SASH1: variants seen among roughly 807,000 people sequenced by gnomAD.
SASH1 encodes SAM and SH3 domain-containing protein 1.
In SASH1, 44 loss-of-function variants were observed where a neutral mutation model predicts 125.2. The observed-to-expected ratio is 0.35, with a 90% CI of 0.28 to 0.45. The LOEUF is 0.45. Among genes scored for constraint, SASH1 ranks in the 20% least tolerant of loss-of-function variants. The pLI, the probability that SASH1 is intolerant of heterozygous loss-of-function variation, is 1.00. For missense variants in SASH1, 1,426 were observed against 1,614.5 expected, an observed-to-expected ratio of 0.88 and a Z score of 2.00; for synonymous variants, 639 against 649.1, an observed-to-expected ratio of 0.98 and a Z score of 0.24.
the SASH1 span, among the ~76,000 whole-genome samples, chr6:148,213,270 A>G: frequency 5.9e-5 from 9 of 152,272 alleles, no homozygotes; most frequent in East Asian, 1.7e-3. Flanking sequence ...TCTGTGGGAT[A>G]TTGCACAGAA....
chr6:148,330,988 TGTCGG>T (rs1780979937), intron 1 of SASH1, among the ~76,000 whole-genome samples: 1 of 152,120 alleles, frequency 6.6e-6, no homozygotes, highest in South Asian at 2.1e-4. Flanking sequence ...TTCTCCTAAG[TGTCGG>T]GTGGCTTTCA....
At position 148,421,122 on chromosome 6, in the gene SASH1, GAAGA is replaced by G. The variant is rs1183895062; in HGVS notation, c.286-19058_286-19055del. Among the ~76,000 whole-genome samples the G allele has an allele frequency of 6.9e-4, 60 of 87,230 alleles. No individual in the cohort carries two copies. The East Asian group carries it at 0.015, about 22-fold the overall frequency. The allele number at this position is 87,230 out of a possible 152,430, so 57.2% of individuals were successfully genotyped here. On this transcript the variant is annotated intron_variant, in intron 2 of 19. Coordinates refer to ENST00000367467, the MANE Select transcript of SASH1 (RefSeq NM_015278.5). Reference sequence around the variant, plus strand: ...GAAAAGAAAAGAAAGGAAAAGAAAGGAAGAAAGGAAGGAAGGAAGGAAGGAAGAA... The same window carrying G: ...GAAAAGAAAAGAAAGGAAAAGAAAGGAAGGAAGGAAGGAAGGAAGGAAGAA...
intron 1 of SASH1, among the ~76,000 whole-genome samples, chr6:148,273,324 C>T (rs1582902974): frequency 1.4e-5 from 2 of 142,308 alleles, no homozygotes; most frequent in African/African-American, 5.3e-5. Context: ...GACAGAGTCT[C>T]CCTCTGTCAT....
At chr6:148,446,094 T>TTTTTTTTTTTTTTTTTTTTTTTTTTC (rs1776761001) in intron 4 of SASH1, among the ~76,000 whole-genome samples, 2 of 5,084 alleles carry the variant, frequency 3.9e-4, no homozygotes, top group Non-Finnish European at 3.6e-4. Context: ...GGTTCTTTTT[T>TTTTTTTTTTTTTTTTTTTTTTTTTTC]TTTTTTTTTT....
At chr6:148,337,640 A>T (rs1342403176) in intron 1 of SASH1, among the ~76,000 whole-genome samples, 2 of 151,934 alleles carry the variant, frequency 1.3e-5, no homozygotes, top group Non-Finnish European at 2.9e-5. Flanking sequence ...GGGATTACAG[A>T]CGTGAGCCAC....
chr6:148,440,445 G>GA (rs1330297895), intron 4 of SASH1, 38 bp downstream of exon 4: 12 of 1,584,196 alleles, frequency 7.6e-6, no homozygotes, highest in Non-Finnish European at 9.5e-6. Context: ...CACCTTCCAA[G>GA]AAGGTGTCTT....
chr6:148,324,881 C>T (rs971346380), intron 1 of SASH1, among the ~76,000 whole-genome samples: 1 of 152,182 alleles, frequency 6.6e-6, no homozygotes, highest in Non-Finnish European at 1.5e-5. Context: ...ACTGGGCCAC[C>T]GATGCCTCTG....
At chr6:148,349,654 GC>G (rs1781651541) in intron 1 of SASH1, among the ~76,000 whole-genome samples, 1 of 152,090 alleles carries the variant, frequency 6.6e-6, no homozygotes, top group South Asian at 2.1e-4. Context: ...GATAGTGAGA[GC>G]CCCAACCAGA....
chr6:148,340,836 A>G (rs1781298055), upstream of SASH1, among the ~76,000 whole-genome samples: 1 of 152,130 alleles, frequency 6.6e-6, no homozygotes, highest in African/African-American at 2.4e-5. Flanking sequence ...GTTTCCTTTC[A>G]CAAACATTAT....
intron 16 of SASH1, among the ~76,000 whole-genome samples, chr6:148,536,247 C>T (rs1418689041): frequency 2.6e-5 from 4 of 152,200 alleles, no homozygotes; most frequent in Non-Finnish European, 4.4e-5. Context: ...AGTATTAAAG[C>T]ATCTATTGTC....
intron 1 of SASH1, among the ~76,000 whole-genome samples, chr6:148,300,399 C>T (rs1243869961): frequency 7.1e-6 from 1 of 140,602 alleles, no homozygotes; most frequent in Non-Finnish European, 1.6e-5. Flanking sequence ...CTTTAGGGGC[C>T]TGGTCAAACA....
At chr6:148,410,099 CTTTTTTTTTT>C (rs869081496) in intron 2 of SASH1, among the ~76,000 whole-genome samples, 2 of 55,710 alleles carry the variant, frequency 3.6e-5, no homozygotes, top group African/African-American at 7.3e-5. Flanking sequence ...CAGAGCAGTC[CTTTTTTTTTT>C]TTTTTTTTTT....
intron 4 of SASH1, among the ~76,000 whole-genome samples, chr6:148,456,587 G>C (rs368994187): frequency 1.3e-5 from 2 of 152,184 alleles, no homozygotes; most frequent in African/African-American, 4.8e-5. Flanking sequence ...AATAGCAGGC[G>C]CAGTGGCTCA....
chr6:148,407,833 A>T (rs901097151), intron 2 of SASH1, among the ~76,000 whole-genome samples: 1 of 151,888 alleles, frequency 6.6e-6, no homozygotes, highest in African/African-American at 2.4e-5. Flanking sequence ...GGGTTTCACC[A>T]TGTTAGCCAG....
intron 1 of SASH1, among the ~76,000 whole-genome samples, chr6:148,378,941 A>G (rs1160565517): frequency 1.3e-5 from 2 of 152,204 alleles, no homozygotes; most frequent in Non-Finnish European, 2.9e-5. Context: ...CTAGGATTAT[A>G]TCCCCATTTG....
At chr6:148,318,727 A>G (rs1780550234) in intron 1 of SASH1, among the ~76,000 whole-genome samples, 1 of 151,590 alleles carries the variant, frequency 6.6e-6, no homozygotes, top group South Asian at 2.1e-4. Flanking sequence ...TAATTTTTAT[A>G]CTTTTAATAG....
At chr6:148,239,311 A>G in the SASH1 span, among the ~76,000 whole-genome samples, 86 of 152,240 alleles carry the variant, frequency 5.6e-4, no homozygotes, top group Non-Finnish European at 1.0e-3. Context: ...GAATATAATA[A>G]TCCTGTCCCG....
At chr6:148,508,378 T>G (rs1277514617) in intron 8 of SASH1, 2 of 623,648 alleles carry the variant, frequency 3.2e-6, no homozygotes, top group Admixed American at 1.2e-4. Context: ...TTTTAAGGGT[T>G]AGTCCTTGTC....
intron 1 of SASH1, among the ~76,000 whole-genome samples, chr6:148,321,870 A>C (rs1780641370): frequency 2.6e-5 from 4 of 152,164 alleles, no homozygotes; most frequent in Admixed American, 2.0e-4. Context: ...GGAAAGGAGG[A>C]GTCTATTTGA....
Sources: gnomAD v4.1 joint callset for allele counts (sites outside exome capture counted in the v4.1 genomes callset) on GRCh38, gnomAD v4.1.1 for gene constraint, MANE v1.5 for transcripts, NCBI Gene and HGNC (gene_info 2026-07-23, HGNC 2026-07-21) for gene names.